RBPMS: variants seen among roughly 807,000 people sequenced by gnomAD.
The protein encoded by RBPMS is RNA-binding protein with multiple splicing.
Under a neutral mutation model 26.8 loss-of-function variants are expected in RBPMS, and 7 were observed. The observed-to-expected ratio is 0.26, with a 90% CI of 0.15 to 0.49. RBPMS has a LOEUF of 0.49. Ranked by LOEUF, RBPMS falls within the 20% of genes least tolerant of loss-of-function variation. RBPMS has a pLI of 0.98. For missense variants in RBPMS, 186 were observed against 250.0 expected (o/e 0.74, Z 1.73); for synonymous variants, 96 against 93.3 (o/e 1.03, Z -0.17).
chr8:30,489,486 C>G (rs1253065542), intron 4 of RBPMS, among the ~76,000 whole-genome samples: 2 of 151,152 alleles, frequency 1.3e-5, no homozygotes, highest in Admixed American at 6.6e-5. Flanking sequence ...GAGACAGTCT[C>G]GCTCTGTCGC....
chr8:30,515,200 G>C (rs553351123), intron 5 of RBPMS, among the ~76,000 whole-genome samples: 110 of 152,120 alleles, frequency 7.2e-4, no homozygotes, highest in Middle Eastern at 3.4e-3. Flanking sequence ...TCAAGCTCCT[G>C]GTGTCAAGCC....
intron 5 of RBPMS, among the ~76,000 whole-genome samples, chr8:30,535,880 G>A (rs1824739961): frequency 6.6e-6 from 1 of 152,190 alleles, no homozygotes; most frequent in African/African-American, 2.4e-5. Flanking sequence ...GCTGAGGAGA[G>A]AGGATCACAT....
intron 1 of RBPMS, among the ~76,000 whole-genome samples, chr8:30,458,539 T>G (rs1815505315): frequency 6.6e-6 from 1 of 152,116 alleles, no homozygotes; most frequent in African/African-American, 2.4e-5. Flanking sequence ...TTTAACACTA[T>G]TCTCTACTGA....
At chr8:30,460,670 A>C (rs1815774511) in intron 1 of RBPMS, among the ~76,000 whole-genome samples, 1 of 152,252 alleles carries the variant, frequency 6.6e-6, no homozygotes, top group Admixed American at 6.5e-5. Context: ...AAAAGTAGTG[A>C]TTAAACAAAT....
chr8:30,498,758 G>A (rs1023868187), intron 4 of RBPMS, among the ~76,000 whole-genome samples: 4 of 152,078 alleles, frequency 2.6e-5, no homozygotes, highest in South Asian at 2.1e-4. Context: ...TAGGATTCTC[G>A]CTATTAGAGG....
chr8:30,496,071 A>G (rs1238696538), intron 4 of RBPMS, among the ~76,000 whole-genome samples: 1 of 152,078 alleles, frequency 6.6e-6, no homozygotes, highest in Non-Finnish European at 1.5e-5. Context: ...ATTGTGTGGG[A>G]CTATCCTGCT....
intron 1 of RBPMS, among the ~76,000 whole-genome samples, chr8:30,454,732 G>T (rs1053391528): frequency 6.6e-6 from 1 of 152,170 alleles, no homozygotes; most frequent in African/African-American, 2.4e-5. Flanking sequence ...GTTACACATT[G>T]TTGAATCTAT....
chr8:30,418,166 A>G (rs543749130), intron 1 of RBPMS, among the ~76,000 whole-genome samples: 1 of 152,348 alleles, frequency 6.6e-6, no homozygotes, highest in South Asian at 2.1e-4. Context: ...ATAAGGCCGA[A>G]TTGCTCTCTA....
intron 5 of RBPMS, among the ~76,000 whole-genome samples, chr8:30,512,628 TA>T (rs879817372): frequency 1.6e-4 from 24 of 149,368 alleles, no homozygotes; most frequent in East Asian, 7.8e-4. Flanking sequence ...CTGGCTAGTT[TA>T]AAAAAAAAAA....
intron 4 of RBPMS, among the ~76,000 whole-genome samples, chr8:30,481,373 A>G (rs1328690925): frequency 1.3e-5 from 2 of 152,124 alleles, no homozygotes; most frequent in East Asian, 1.9e-4. Context: ...CATAATTTCA[A>G]TTTTTCTTGG....
intron 4 of RBPMS, among the ~76,000 whole-genome samples, chr8:30,489,795 A>G (rs1428970323): frequency 7.1e-6 from 1 of 140,770 alleles, no homozygotes; most frequent in African/African-American, 3.0e-5. Flanking sequence ...TTTTCTGTAT[A>G]CTGGTGTTTT....
At chr8:30,465,000 G>T (rs918777335) in intron 1 of RBPMS, among the ~76,000 whole-genome samples, 2 of 152,170 alleles carry the variant, frequency 1.3e-5, no homozygotes, top group Non-Finnish European at 2.9e-5. Flanking sequence ...TGTATGCAGT[G>T]AAATTGTATG....
chr8:30,530,042 A>T (rs1328518598), intron 5 of RBPMS, among the ~76,000 whole-genome samples: 3 of 152,190 alleles, frequency 2.0e-5, no homozygotes. Context: ...GGCGTGAGCC[A>T]CCGCACCCGG....
intron 6 of RBPMS, among the ~76,000 whole-genome samples, chr8:30,554,364 C>T (rs776456117): frequency 2.2e-4 from 34 of 152,292 alleles, no homozygotes; most frequent in Non-Finnish European, 4.0e-4. Context: ...CACAGCTGTT[C>T]CATAATCCAG....
chr8:30,385,586 T>G (rs1055840801), intron 1 of RBPMS, among the ~76,000 whole-genome samples: 7 of 151,970 alleles, frequency 4.6e-5, no homozygotes, highest in Non-Finnish European at 5.9e-5. Flanking sequence ...AAAAGATACC[T>G]CTATTCCCTG....
chr8:30,450,787 C>CAAAAAAACAAAAAAAA (rs1814481413), intron 1 of RBPMS, among the ~76,000 whole-genome samples: 1 of 87,384 alleles, frequency 1.1e-5, no homozygotes, highest in Non-Finnish European at 2.2e-5. Flanking sequence ...TGCCTGAAAG[C>CAAAAAAACAAAAAAAA]AAAAAAAAAA....
At chr8:30,468,639 G>A (rs1314403290) in intron 1 of RBPMS, among the ~76,000 whole-genome samples, 2 of 152,044 alleles carry the variant, frequency 1.3e-5, no homozygotes, top group African/African-American at 4.8e-5. Flanking sequence ...TAAGTCAGTC[G>A]AGATATTTAT....
intron 4 of RBPMS, among the ~76,000 whole-genome samples, chr8:30,483,660 C>T (rs1362344409): frequency 6.6e-6 from 1 of 151,958 alleles, no homozygotes; most frequent in Non-Finnish European, 1.5e-5. Context: ...TCTTTCTTGG[C>T]ATTAATTACA....
intron 5 of RBPMS, among the ~76,000 whole-genome samples, chr8:30,512,269 CTTT>C (rs1298363166): frequency 6.6e-6 from 1 of 151,844 alleles, no homozygotes; most frequent in Non-Finnish European, 1.5e-5. Flanking sequence ...TTTGTGTATG[CTTT>C]TTTGTTTTTG....
Sources: gnomAD v4.1 joint callset for allele counts (sites outside exome capture counted in the v4.1 genomes callset) on GRCh38, gnomAD v4.1.1 for gene constraint, MANE v1.5 for transcripts, NCBI Gene and HGNC (gene_info 2026-07-23, HGNC 2026-07-21) for gene names.